Variants in BMP2K observed in about 807,000 individuals in gnomAD.
BMP2K encodes BMP-2-inducible protein kinase.
A neutral mutation model predicts 116.0 loss-of-function variants in BMP2K; 74 were observed. The observed-to-expected ratio is 0.64, with a 90% confidence interval of 0.53 to 0.77. The LOEUF is 0.77. BMP2K is among the 30% of genes least tolerant of loss of function. The probability of loss-of-function intolerance (pLI) is 0.00; values close to 1 mark genes in which losing one functional copy is unlikely to be tolerated. For synonymous variants in BMP2K, 486 were observed against 502.5 expected (o/e 0.97, Z 0.44); for missense variants, 1,365 against 1,403.6 (o/e 0.97, Z 0.44).
chr4:78,822,038 A>G (rs1033021423), intron 1 of BMP2K, among the ~76,000 whole-genome samples: 4 of 152,212 alleles, frequency 2.6e-5, no homozygotes, highest in African/African-American at 7.2e-5. Context: ...TAGTTATTAC[A>G]GAGACTTGGC....
intron 15 of BMP2K, among the ~76,000 whole-genome samples, chr4:78,896,807 C>CCTTACACATGAACA (rs1733728882): frequency 6.6e-6 from 1 of 152,050 alleles, no homozygotes; most frequent in Non-Finnish European, 1.5e-5. Flanking sequence ...TTAAATAATT[C>CCTTACACATGAACA]TTTATTGAAT....
At chr4:78,787,873 A>G (rs992686279) in intron 1 of BMP2K, among the ~76,000 whole-genome samples, 1 of 152,118 alleles carries the variant, frequency 6.6e-6, no homozygotes, top group East Asian at 1.9e-4. Flanking sequence ...GTTCCAGTAC[A>G]CTATTTCCCC....
At chr4:78,802,022 G>A (rs934528526) in intron 1 of BMP2K, among the ~76,000 whole-genome samples, 1 of 152,170 alleles carries the variant, frequency 6.6e-6, no homozygotes, top group African/African-American at 2.4e-5. Context: ...CTCTCCTTTA[G>A]TGAAGGCCAT....
chr4:78,812,094 C>G (rs1056202357), intron 1 of BMP2K, among the ~76,000 whole-genome samples: 1 of 152,102 alleles, frequency 6.6e-6, no homozygotes. Flanking sequence ...TTGTCTCAGC[C>G]TCCTGAGTAG....
intron 1 of BMP2K, among the ~76,000 whole-genome samples, chr4:78,810,475 A>G (rs910180076): frequency 6.6e-6 from 1 of 152,204 alleles, no homozygotes; most frequent in African/African-American, 2.4e-5. Flanking sequence ...GACAGCTACA[A>G]TATTATACAA....
chr4:78,876,780 T>C (rs1158385241), intron 13 of BMP2K, among the ~76,000 whole-genome samples: 1 of 152,240 alleles, frequency 6.6e-6, no homozygotes, highest in East Asian at 1.9e-4. Context: ...TATACAGTCA[T>C]GCATTGCATA....
In BMP2K at chr4:78,912,891, G is replaced by C. The variant is rs1347176525; in HGVS notation, c.*858G>C. ...AGAACAGAAAACATTCACTACTTTA[G>C]AAACACTTTATGCATGGCTTCTTGC... On this transcript the variant is annotated 3_prime_UTR_variant, in exon 16 of 16. Coordinates refer to ENST00000502613, the MANE Select transcript of BMP2K (RefSeq NM_198892.2). 1 of 152,090 alleles carries C rather than the reference G, an allele frequency of 6.6e-6. No homozygotes were observed. Among genetic ancestry groups the C allele is most frequent in the South Asian group, 2.1e-4 (1 of 4,828 alleles). The allele number at this position is 152,090 out of a possible 1,614,324, so 9.4% of individuals were successfully genotyped here.
intron 15 of BMP2K, among the ~76,000 whole-genome samples, chr4:78,908,332 A>G (rs995110152): frequency 6.6e-6 from 1 of 152,240 alleles, no homozygotes; most frequent in South Asian, 2.1e-4. Context: ...TCTTTGCACC[A>G]TCCAGCTCAG....
chr4:78,814,053 T>C (rs1729213448), intron 1 of BMP2K, among the ~76,000 whole-genome samples: 1 of 152,076 alleles, frequency 6.6e-6, no homozygotes, highest in African/African-American at 2.4e-5. Context: ...TAAGAATGAG[T>C]CTAGGGGAGT....
intron 7 of BMP2K, among the ~76,000 whole-genome samples, chr4:78,853,417 T>C (rs1731351823): frequency 6.6e-6 from 1 of 152,172 alleles, no homozygotes; most frequent in Admixed American, 6.6e-5. Context: ...TAGCTTTTGT[T>C]AACTCTCCCA....
rs1177152049 is a variant in BMP2K at position 78,776,535 on chromosome 4, G to A, written c.-9G>A. Reference sequence around the variant, plus strand: ...CGCTCCCTGCGCCCTCCAGCTCGCCGGCGGGACCATGAAGAAGTTCTCTCG... The same window carrying A: ...CGCTCCCTGCGCCCTCCAGCTCGCCAGCGGGACCATGAAGAAGTTCTCTCG... On this transcript the variant is annotated 5_prime_UTR_variant, in exon 1 of 16. Transcript: ENST00000502613. 1.7e-6 allele frequency: 2 copies of A among 1,144,184 alleles called. 1 individual carries two copies. 70.9% of individuals were successfully genotyped at this position (1,144,184 alleles called of 1,614,324 possible).
intron 9 of BMP2K, among the ~76,000 whole-genome samples, chr4:78,864,695 A>C (rs1288780655): frequency 1.3e-5 from 2 of 152,110 alleles, no homozygotes; most frequent in Admixed American, 1.3e-4. Flanking sequence ...TTCATAAATC[A>C]TATGTATGTA....
chr4:78,833,256 A>T (rs1442665034), intron 2 of BMP2K, among the ~76,000 whole-genome samples: 1 of 152,102 alleles, frequency 6.6e-6, no homozygotes, highest in Non-Finnish European at 1.5e-5. Flanking sequence ...TATTTTTTAG[A>T]TAAAAACAAA....
In BMP2K at chr4:78,779,549, A is replaced by AT. The variant is rs201725021; in HGVS notation, c.178+2833dup. Among the ~76,000 whole-genome samples the AT allele has an allele frequency of 5.6e-3, 853 of 152,292 alleles. 11 individuals are homozygous for AT. Among genetic ancestry groups the AT allele is most frequent in the African/African-American group, 0.019 (808 of 41,560 alleles). On this transcript the variant is annotated intron_variant, in intron 1 of 15. Transcript: ENST00000502613. ...AGAATGTGCACGTCAGTAGACTCAC[A>AT]TTTTTCACCATTGTGCACATGTCTG...
intron 13 of BMP2K, among the ~76,000 whole-genome samples, chr4:78,876,843 A>G (rs138289319): frequency 6.6e-6 from 1 of 152,186 alleles, no homozygotes; most frequent in African/African-American, 2.4e-5. Flanking sequence ...TTATTGTTGT[A>G]TGAACATCAT....
At chr4:78,855,562 T>C (rs1731465688) in intron 7 of BMP2K, among the ~76,000 whole-genome samples, 1 of 152,206 alleles carries the variant, frequency 6.6e-6, no homozygotes, top group Non-Finnish European at 1.5e-5. Context: ...AACCATGGTA[T>C]AACTTGGCTG....
intron 1 of BMP2K, among the ~76,000 whole-genome samples, chr4:78,777,253 A>C (rs573866201): frequency 5.9e-5 from 9 of 152,256 alleles, no homozygotes; most frequent in African/African-American, 2.2e-4. Context: ...CTTTGCTCTA[A>C]ATTCAGTTAG....
At chr4:78,828,887 G>T (rs1730012136) in intron 2 of BMP2K, among the ~76,000 whole-genome samples, 1 of 152,224 alleles carries the variant, frequency 6.6e-6, no homozygotes, top group African/African-American at 2.4e-5. Context: ...CAGGGTAGTG[G>T]TTGCTGAAGG....
intron 15 of BMP2K, among the ~76,000 whole-genome samples, chr4:78,900,164 G>T (rs1318812911): frequency 1.3e-5 from 2 of 152,130 alleles, no homozygotes; most frequent in African/African-American, 2.4e-5. Flanking sequence ...GGACCTTTAT[G>T]ATGATCTACT....
Sources: allele counts gnomAD v4.1 joint callset (sites outside exome capture counted in the v4.1 genomes callset), GRCh38; gene constraint gnomAD v4.1.1; transcripts MANE v1.5; gene names NCBI Gene and HGNC (gene_info 2026-07-23, HGNC 2026-07-21).